The following PCDH15 variants were observed in gnomAD, a reference collection of about 807,000 sequenced individuals.
PCDH15 encodes the protein protocadherin related 15, also known as protocadherin-15.
Under a neutral mutation model 178.5 loss-of-function variants are expected in PCDH15, and 129 were observed. The observed-to-expected ratio is 0.72, with a 90% CI of 0.63 to 0.84. The LOEUF is 0.84. Ranked by LOEUF, PCDH15 falls within the 40% of genes least tolerant of loss-of-function variation. PCDH15 has a pLI of 0.00. For missense variants in PCDH15, 2,230 were observed against 2,099.9 expected, an observed-to-expected ratio of 1.06 and a Z score of -1.21; for synonymous variants, 800 against 732.0, an observed-to-expected ratio of 1.09 and a Z score of -1.50.
At chr10:53,934,194 C>G (rs968380142) in intron 25 of PCDH15, among the ~76,000 whole-genome samples, 3 of 152,018 alleles carry the variant, frequency 2.0e-5, no homozygotes, top group Admixed American at 1.3e-4. Flanking sequence ...CTAGGAATCT[C>G]CCAGTGAGAC....
chr10:55,263,758 G>A (rs1842207497), intron 1 of PCDH15, among the ~76,000 whole-genome samples: 1 of 151,694 alleles, frequency 6.6e-6, no homozygotes, highest in Admixed American at 6.6e-5. Context: ...TTTTTGAGAC[G>A]GAGTCTCACT....
intron 2 of PCDH15, among the ~76,000 whole-genome samples, chr10:55,387,658 G>GA (rs1348588578): frequency 6.6e-6 from 1 of 152,014 alleles, no homozygotes; most frequent in Admixed American, 6.6e-5. Context: ...CAGTATCTAG[G>GA]AAAACATAGG....
At chr10:54,075,650 C>T (rs1191885751) in intron 17 of PCDH15, among the ~76,000 whole-genome samples, 1 of 152,070 alleles carries the variant, frequency 6.6e-6, no homozygotes, top group Non-Finnish European at 1.5e-5. Context: ...CATTTTAGGT[C>T]ATGAATCACT....
At chr10:54,607,242 C>G (rs2092782700) in intron 2 of PCDH15, among the ~76,000 whole-genome samples, 1 of 151,836 alleles carries the variant, frequency 6.6e-6, no homozygotes, top group Admixed American at 6.6e-5. Flanking sequence ...TATATCTGAA[C>G]TAGTCAAAAG....
intron 13 of PCDH15, among the ~76,000 whole-genome samples, chr10:54,161,747 C>T (rs1271024736): frequency 6.6e-6 from 1 of 152,088 alleles, no homozygotes; most frequent in Non-Finnish European, 1.5e-5. Context: ...ACCTCTCATC[C>T]ATGGATTATG....
Position 53,978,657 on chromosome 10 carries a change from GTTT to G in PCDH15, c.2869-16768_2869-16766del, listed in dbSNP as rs3066397. Among the ~76,000 whole-genome samples, 212 of 143,224 alleles carry G rather than the reference GTTT, an allele frequency of 1.5e-3. 1 individual carries two copies. The highest frequency in any genetic ancestry group is 5.1e-3 in the East Asian group (24 of 4,746). 94.0% of individuals were successfully genotyped at this position (143,224 alleles called of 152,430 possible). A position where few individuals can be genotyped will look rare whatever the true frequency, so the allele number is the denominator to read the frequency against. On this transcript the variant is annotated intron_variant, in intron 21 of 37. Transcript: ENST00000644397. ...CAACTGGAATTCCTCTCCAGAAAAT[GTTT>G]TTTTTTTTTTTTTTCTACTGCATCA... is the stretch of plus-strand genomic sequence containing the variant.
intron 3 of PCDH15, among the ~76,000 whole-genome samples, chr10:54,456,214 C>T (rs1332520303): frequency 6.6e-6 from 1 of 152,140 alleles, no homozygotes; most frequent in Non-Finnish European, 1.5e-5. Flanking sequence ...CCTGGAAAGG[C>T]CACAGACACT....
At chr10:55,601,400 T>C (rs1341598547) in intron 2 of PCDH15, among the ~76,000 whole-genome samples, 1 of 152,122 alleles carries the variant, frequency 6.6e-6, no homozygotes, top group Admixed American at 6.5e-5. Context: ...ATGTGTGAAT[T>C]TGGTGGAAAG....
chr10:54,082,048 T>A (rs2094444237), intron 16 of PCDH15, among the ~76,000 whole-genome samples: 1 of 152,164 alleles, frequency 6.6e-6, no homozygotes, highest in Non-Finnish European at 1.5e-5. Context: ...TATCCTACCA[T>A]CTCACTGGCT....
intron 19 of PCDH15, 140 bp from the exon 20 acceptor site, chr10:54,020,556 T>TA: frequency 2.4e-6 from 2 of 828,794 alleles, no homozygotes; most frequent in South Asian, 1.5e-5. Flanking sequence ...TTTTGTTTTT[T>TA]AAAAAAGCAC....
chr10:55,378,580 CA>C (rs1424906508), intron 2 of PCDH15, among the ~76,000 whole-genome samples: 1 of 152,014 alleles, frequency 6.6e-6, no homozygotes. Flanking sequence ...GAATTACAAC[CA>C]AAAACGTACA....
At chr10:54,595,318 C>T (rs2092167283) in intron 2 of PCDH15, among the ~76,000 whole-genome samples, 1 of 152,194 alleles carries the variant, frequency 6.6e-6, no homozygotes, top group Admixed American at 6.5e-5. Context: ...AGTTAGAGCA[C>T]ACAATGCAGA....
chr10:54,411,912 TC>T (rs200483887), intron 3 of PCDH15, among the ~76,000 whole-genome samples: 121 of 148,726 alleles, frequency 8.1e-4, no homozygotes, highest in African/African-American at 2.9e-3. Context: ...TTTTACTCCT[TC>T]TTACTTCTAC....
Position 55,137,653 on chromosome 10 carries a change from T to C in PCDH15, c.-80+28923A>G, listed in dbSNP as rs144397453. ...TAGTTGAAACAGGTCAAATATTGTT[T>C]TATGTGCTGAATATTAACAAATATT... On this transcript the variant is annotated intron_variant, in intron 2 of 5. Coordinates refer to the PCDH15 transcript ENST00000458638. Among the ~76,000 whole-genome samples the C allele has an allele frequency of 5.2e-3, 792 of 152,216 alleles. 3 individuals carry two copies. The highest frequency in any genetic ancestry group is 0.017 in the African/African-American group (724 of 41,536).
At position 55,288,922 on chromosome 10, in the gene PCDH15, C is replaced by T. The variant is rs114216548; in HGVS notation, c.-156+30677G>A. Among the ~76,000 whole-genome samples the T allele has an allele frequency of 5.9e-3, 893 of 150,914 alleles. 5 individuals carry two copies. Among genetic ancestry groups the T allele is most frequent in the African/African-American group, 0.021 (848 of 40,802 alleles). Reference sequence around the variant, plus strand: ...TGGATTGGTGGATTATACAGTAATTCTATTTTTAATTTTTTTGAAAAACCA... The same window carrying T: ...TGGATTGGTGGATTATACAGTAATTTTATTTTTAATTTTTTTGAAAAACCA... On this transcript the variant is annotated intron_variant, in intron 1 of 5. Transcript: ENST00000458638.
At chr10:54,614,019 T>A (rs1038082315) in intron 2 of PCDH15, among the ~76,000 whole-genome samples, 2 of 151,986 alleles carry the variant, frequency 1.3e-5, no homozygotes, top group African/African-American at 4.8e-5. Flanking sequence ...TTAATAAAAC[T>A]AATGCTATAT....
chr10:55,509,942 G>T (rs1840843079), intron 2 of PCDH15, among the ~76,000 whole-genome samples: 1 of 151,904 alleles, frequency 6.6e-6, no homozygotes, highest in Admixed American at 6.6e-5. Flanking sequence ...TAGAGATCAA[G>T]AAATTGACAA....
intron 28 of PCDH15, among the ~76,000 whole-genome samples, chr10:53,842,788 G>A (rs2077738104): frequency 6.6e-6 from 1 of 152,054 alleles, no homozygotes; most frequent in African/African-American, 2.4e-5. Flanking sequence ...TAATCAATCA[G>A]TTCACAAATC....
chr10:55,421,735 G>A lies in PCDH15; in HGVS notation c.-156+205890C>T, dbSNP rs865968822. 4.6e-5 allele frequency among the ~76,000 whole-genome samples: 7 copies of A among 151,456 alleles called. No individual in the cohort carries two copies. The South Asian group carries it at 1.5e-3, about 31-fold the overall frequency. On this transcript the variant is annotated intron_variant, in intron 2 of 5. Transcript: ENST00000613346. Reference sequence around the variant, plus strand: ...TTTGATATTTACTAGAGATGATTTGGTAGATAACCTGCTTATGTGGTTCTT... The same window carrying A: ...TTTGATATTTACTAGAGATGATTTGATAGATAACCTGCTTATGTGGTTCTT...
Sources: allele counts gnomAD v4.1 joint callset (sites outside exome capture counted in the v4.1 genomes callset), GRCh38; gene constraint gnomAD v4.1.1; transcripts MANE v1.5; gene names NCBI Gene and HGNC (gene_info 2026-07-23, HGNC 2026-07-21).